The following CRACD variants were observed in gnomAD, a reference collection of about 807,000 sequenced individuals.
CRACD encodes capping protein-inhibiting regulator of actin dynamics.
In CRACD, 56 loss-of-function variants were observed where a neutral mutation model predicts 106.8. The observed-to-expected ratio is 0.52, with a 90% CI of 0.42 to 0.66. CRACD has a LOEUF of 0.66. Ranked by LOEUF, CRACD falls within the 30% of genes least tolerant of loss-of-function variation. CRACD has a pLI of 0.00. For synonymous variants in CRACD, 754 were observed against 670.8 expected, an observed-to-expected ratio of 1.12 and a Z score of -1.92; for missense variants, 1,730 against 1,623.2, an observed-to-expected ratio of 1.07 and a Z score of -1.13.
At chr4:56,299,024 GCTGA>G (rs1744212630) in intron 4 of CRACD, among the ~76,000 whole-genome samples, 1 of 152,132 alleles carries the variant, frequency 6.6e-6, no homozygotes, top group Non-Finnish European at 1.5e-5. Context: ...CTGAATCAGG[GCTGA>G]CTGTTGACTG....
At chr4:56,077,837 G>A (rs905725451) in intron 1 of CRACD, among the ~76,000 whole-genome samples, 1 of 152,202 alleles carries the variant, frequency 6.6e-6, no homozygotes, top group Non-Finnish European at 1.5e-5. Context: ...GGTTACTGCT[G>A]CAATAGGGTT....
At chr4:56,115,206 T>C (rs1201142555) in intron 1 of CRACD, among the ~76,000 whole-genome samples, 1 of 152,190 alleles carries the variant, frequency 6.6e-6, no homozygotes, top group African/African-American at 2.4e-5. Context: ...TTCAAACCCA[T>C]ATCATAACCC....
At chr4:56,295,718 T>G (rs1743982870) in intron 3 of CRACD, among the ~76,000 whole-genome samples, 1 of 135,442 alleles carries the variant, frequency 7.4e-6, no homozygotes, top group South Asian at 2.5e-4. Context: ...TATATGCCCT[T>G]TGCAAAAATA....
At chr4:56,059,470 T>C (rs1313353093) in intron 1 of CRACD, among the ~76,000 whole-genome samples, 2 of 152,156 alleles carry the variant, frequency 1.3e-5, no homozygotes, top group Non-Finnish European at 2.9e-5. Flanking sequence ...AATTAGACCT[T>C]GTCTCAAAAA....
At chr4:56,171,468 G>A (rs938916652) in intron 1 of CRACD, among the ~76,000 whole-genome samples, 4 of 152,108 alleles carry the variant, frequency 2.6e-5, no homozygotes, top group African/African-American at 9.7e-5. Flanking sequence ...GAGACTGGTG[G>A]GTGTCAAGAC....
intron 1 of CRACD, among the ~76,000 whole-genome samples, chr4:56,113,926 A>C (rs1734200298): frequency 2.0e-5 from 3 of 152,154 alleles, no homozygotes; most frequent in South Asian, 4.2e-4. Flanking sequence ...GGCCCTCCAC[A>C]GTTAATCTCA....
At chr4:56,098,977 C>T (rs191563835) in intron 1 of CRACD, among the ~76,000 whole-genome samples, 1 of 152,272 alleles carries the variant, frequency 6.6e-6, no homozygotes, top group African/African-American at 2.4e-5. Context: ...TGGTGCCCAG[C>T]CCGGGATCTA....
intron 1 of CRACD, among the ~76,000 whole-genome samples, chr4:56,152,510 C>T (rs959605161): frequency 2.6e-5 from 4 of 151,856 alleles, no homozygotes; most frequent in African/African-American, 4.8e-5. Flanking sequence ...CATGGTGGTG[C>T]ACACCTGTAG....
chr4:56,247,274 A>T (rs1450961050), intron 2 of CRACD, among the ~76,000 whole-genome samples: 1 of 112,610 alleles, frequency 8.9e-6, no homozygotes, highest in Non-Finnish European at 2.2e-5. Context: ...AGTCTGTCTT[A>T]GTAGATCAGT....
chr4:56,232,700 C>A (rs959658936), intron 2 of CRACD, among the ~76,000 whole-genome samples: 5 of 141,588 alleles, frequency 3.5e-5, no homozygotes, highest in African/African-American at 7.8e-5. Flanking sequence ...AAACATGTAT[C>A]TTTATTTATT....
chr4:56,158,607 T>C (rs1301900953), intron 1 of CRACD, among the ~76,000 whole-genome samples: 1 of 152,158 alleles, frequency 6.6e-6, no homozygotes, highest in Non-Finnish European at 1.5e-5. Context: ...CTGATATTTG[T>C]TTTAGGGCAA....
At chr4:56,256,226 C>G (rs1741351313) in intron 2 of CRACD, among the ~76,000 whole-genome samples, 1 of 152,136 alleles carries the variant, frequency 6.6e-6, no homozygotes, top group African/African-American at 2.4e-5. Context: ...CTTTCCCATG[C>G]TGTTCTTGTG....
intron 2 of CRACD, among the ~76,000 whole-genome samples, chr4:56,225,285 G>A (rs1459086437): frequency 6.6e-6 from 1 of 152,046 alleles, no homozygotes; most frequent in African/African-American, 2.4e-5. Context: ...GTAGAGACAG[G>A]GTTTCACCAT....
chr4:56,288,362 A>G, intron 3 of CRACD: 1 of 258,100 alleles, frequency 3.9e-6, no homozygotes, highest in South Asian at 5.1e-5. Flanking sequence ...GAAAGTACCC[A>G]ATAGGAAATG....
chr4:56,299,846 CA>C (rs60808205), intron 4 of CRACD, among the ~76,000 whole-genome samples: 193 of 136,346 alleles, frequency 1.4e-3, no homozygotes, highest in African/African-American at 1.4e-3. Context: ...AATAAACGAG[CA>C]AAAAAAAAAA....
chr4:56,111,572 C>T (rs2412730), intron 1 of CRACD, among the ~76,000 whole-genome samples: 71,470 of 152,122 alleles, frequency 0.47, 17,967 homozygotes, highest in African/African-American at 0.65. Context: ...GACGAAGTCT[C>T]GCTCTGTCAC....
intron 1 of CRACD, among the ~76,000 whole-genome samples, chr4:56,162,374 T>G (rs1411008826): frequency 6.6e-6 from 1 of 151,858 alleles, no homozygotes; most frequent in Non-Finnish European, 1.5e-5. Flanking sequence ...TCTTGTGGTT[T>G]TTTTGTTTTT....
chr4:56,306,337 T>C (rs1428765995), intron 4 of CRACD, among the ~76,000 whole-genome samples: 1 of 151,740 alleles, frequency 6.6e-6, no homozygotes, highest in Non-Finnish European at 1.5e-5. Context: ...CTACAAAAAA[T>C]ACAAAAGTTA....
chr4:56,325,475 T>C (rs980004292), intron 10 of CRACD, among the ~76,000 whole-genome samples: 8 of 152,258 alleles, frequency 5.3e-5, no homozygotes, highest in African/African-American at 1.9e-4. Context: ...TGAGATGGTC[T>C]GTTCTCACTG....
Sources: gnomAD v4.1 joint callset for allele counts (sites outside exome capture counted in the v4.1 genomes callset) on GRCh38, gnomAD v4.1.1 for gene constraint, MANE v1.5 for transcripts, NCBI Gene and HGNC (gene_info 2026-07-23, HGNC 2026-07-21) for gene names.